Variants in FNDC3A observed in about 807,000 individuals in gnomAD.
The protein encoded by FNDC3A is fibronectin type-III domain-containing protein 3A.
Under a neutral mutation model 148.9 loss-of-function variants are expected in FNDC3A, and 32 were observed. That is an observed-to-expected ratio of 0.21 (90% CI 0.16 to 0.29). The LOEUF is 0.29. Among genes scored for constraint, FNDC3A ranks in the 10% least tolerant of loss-of-function variants. The pLI is 1.00. For synonymous variants in FNDC3A, 472 were observed against 473.6 expected (o/e 1.00, Z 0.04); for missense variants, 1,191 against 1,452.8 (o/e 0.82, Z 2.93).
chr13:49,015,457 G>C (rs1386508613), intron 2 of FNDC3A, among the ~76,000 whole-genome samples: 1 of 152,222 alleles, frequency 6.6e-6, no homozygotes, highest in Admixed American at 6.5e-5. Context: ...TTTGTATCCT[G>C]AGACTTTGCT....
intron 2 of FNDC3A, among the ~76,000 whole-genome samples, chr13:49,061,358 CCT>C: frequency 5.8e-4 from 1 of 1,712 alleles, no homozygotes; most frequent in Non-Finnish European, 1.1e-3. Context: ...CCTTCCCTTA[CCT>C]TCCCTTCCCT....
chr13:49,091,882 AGAT>A (rs998553841), intron 3 of FNDC3A, among the ~76,000 whole-genome samples: 3 of 152,248 alleles, frequency 2.0e-5, no homozygotes, highest in Non-Finnish European at 4.4e-5. Flanking sequence ...CTTTATGGCT[AGAT>A]GGGTCAGAAA....
intron 8 of FNDC3A, among the ~76,000 whole-genome samples, chr13:49,153,585 T>C (rs1273444209): frequency 6.6e-6 from 1 of 152,174 alleles, no homozygotes; most frequent in Non-Finnish European, 1.5e-5. Flanking sequence ...AGACAGGAAG[T>C]CCTTGCCCAT....
chr13:49,033,421 G>A (rs753015628), intron 2 of FNDC3A, among the ~76,000 whole-genome samples: 3 of 151,942 alleles, frequency 2.0e-5, no homozygotes, highest in Non-Finnish European at 4.4e-5. Context: ...CTGTCTCTAC[G>A]TGTATTTTCA....
chr13:48,978,610 T>G (rs1276196324), intron 1 of FNDC3A, among the ~76,000 whole-genome samples: 1 of 152,182 alleles, frequency 6.6e-6, no homozygotes, highest in East Asian at 1.9e-4. Flanking sequence ...GATTTCCAAT[T>G]TTATTAGCCA....
At chr13:48,980,686 G>A (rs1472195437) in intron 1 of FNDC3A, among the ~76,000 whole-genome samples, 1 of 152,160 alleles carries the variant, frequency 6.6e-6, no homozygotes, top group African/African-American at 2.4e-5. Context: ...TTCTAAGGCA[G>A]TTCTGTTTCC....
intron 8 of FNDC3A, among the ~76,000 whole-genome samples, chr13:49,147,327 C>G (rs945000022): frequency 6.6e-6 from 1 of 152,088 alleles, no homozygotes; most frequent in Non-Finnish European, 1.5e-5. Context: ...GAATTAAGGT[C>G]TCTAAGGATG....
At chr13:49,185,362 G>A (rs1739983865) in intron 14 of FNDC3A, among the ~76,000 whole-genome samples, 1 of 152,110 alleles carries the variant, frequency 6.6e-6, no homozygotes, top group Admixed American at 6.5e-5. Context: ...TTGTAATCAA[G>A]ATGTCAACTG....
At chr13:49,055,433 A>AGGAC (rs1452861873) in intron 2 of FNDC3A, among the ~76,000 whole-genome samples, 1 of 152,044 alleles carries the variant, frequency 6.6e-6, no homozygotes, top group Admixed American at 6.5e-5. Flanking sequence ...AAGGGAGGGT[A>AGGAC]ATACATGCCT....
At chr13:49,114,833 G>A (rs1880827850) in intron 4 of FNDC3A, 102 bp downstream of exon 4, 1 of 845,176 alleles carries the variant, frequency 1.2e-6, no homozygotes, top group Admixed American at 1.8e-5. Context: ...AATTACTGAG[G>A]CTTACCAAGT....
intron 8 of FNDC3A, among the ~76,000 whole-genome samples, chr13:49,164,766 C>T (rs771755924): frequency 6.6e-6 from 1 of 152,028 alleles, no homozygotes; most frequent in Non-Finnish European, 1.5e-5. Context: ...CCGCCACCAC[C>T]GGCCGGCTAA....
chr13:48,991,532 AC>A lies in FNDC3A; in HGVS notation c.-39-14619del, dbSNP rs575954417. Among the ~76,000 whole-genome samples the A allele has an allele frequency of 3.5e-3, 531 of 152,176 alleles. 3 individuals carry two copies. Among genetic ancestry groups the A allele is most frequent in the Non-Finnish European group, 3.4e-3 (234 of 67,994 alleles). Reference sequence around the variant, plus strand: ...TGAAACTACGTCTCTACAAAAAAATACAAAAATTAGCTGGGTGTGGTGGCAC... The same window carrying A: ...TGAAACTACGTCTCTACAAAAAAATAAAAAATTAGCTGGGTGTGGTGGCAC... On this transcript the variant is annotated intron_variant, in intron 1 of 25. Transcript: ENST00000492622.
chr13:49,136,506 TA>T lies in FNDC3A; in HGVS notation c.669del (p.Gly224AspfsTer7), dbSNP rs1285644921. On this transcript the variant is annotated frameshift_variant, in exon 6 of 26. Coordinates refer to ENST00000492622, the MANE Select transcript of FNDC3A (RefSeq NM_001079673.2). LOFTEE classifies it high-confidence loss of function. ...PSPINEHNGL[I>X]KGQIAGGINT... The stretch of plus-strand genomic sequence containing the variant: ...CCCATTAATGAACATAATGGACTTA[TA>T]AAAGGACAAATTGCTGGTGGTATAA... 6.2e-7 allele frequency: 1 copy of T among 1,614,012 alleles called. No individual in the cohort carries two copies.
intron 3 of FNDC3A, among the ~76,000 whole-genome samples, chr13:49,110,854 C>T (rs1393238536): frequency 1.3e-5 from 2 of 152,130 alleles, no homozygotes; most frequent in African/African-American, 4.8e-5. Context: ...GTTGAAATAT[C>T]TTCTTTAAGT....
chr13:49,020,717 C>T (rs1412994532), intron 2 of FNDC3A, among the ~76,000 whole-genome samples: 1 of 152,220 alleles, frequency 6.6e-6, no homozygotes, highest in Non-Finnish European at 1.5e-5. Flanking sequence ...TGTGTTCAGA[C>T]ACTGAGGCAA....
At chr13:49,104,292 C>T (rs1377602106) in intron 3 of FNDC3A, among the ~76,000 whole-genome samples, 25 of 151,912 alleles carry the variant, frequency 1.6e-4, no homozygotes, top group African/African-American at 5.8e-4. Flanking sequence ...TTTGGGAGGC[C>T]GAGGTGGGTT....
At chr13:49,115,187 G>T (rs908655412) in intron 4 of FNDC3A, among the ~76,000 whole-genome samples, 2,141 of 125,608 alleles carry the variant, frequency 0.017, 54 homozygotes, top group East Asian at 0.088. Flanking sequence ...GGGATGAGGG[G>T]GGGGGGGAAA....
intron 3 of FNDC3A, among the ~76,000 whole-genome samples, chr13:49,093,545 C>G (rs1181035272): frequency 6.6e-6 from 1 of 152,162 alleles, no homozygotes; most frequent in Non-Finnish European, 1.5e-5. Context: ...AATTGAGACA[C>G]AGGTTAATAA....
rs770353995 is a variant in FNDC3A, at chr13:49,150,774, G to A, written c.977+4839G>A. ...ATCCTGGCCAACATGGTGAAATCCC[G>A]TCTCTACTAAAATACAAAAAATTAG... On this transcript the variant is annotated intron_variant, in intron 8 of 25. Transcript: ENST00000492622. Among the ~76,000 whole-genome samples the A allele has an allele frequency of 4.6e-5, 7 of 151,764 alleles. No individual in the cohort carries two copies. The East Asian group carries it at 7.7e-4, about 17-fold the overall frequency.
Sources: gnomAD v4.1 joint callset for allele counts (sites outside exome capture counted in the v4.1 genomes callset) on GRCh38, gnomAD v4.1.1 for gene constraint, MANE v1.5 for transcripts, NCBI Gene and HGNC (gene_info 2026-07-23, HGNC 2026-07-21) for gene names.